PRSS22: variants seen among roughly 807,000 people sequenced by gnomAD.
The protein encoded by PRSS22 is brain-specific serine protease 4.
In PRSS22, 26 loss-of-function variants were observed where a neutral mutation model predicts 28.0. The ratio of observed to expected loss-of-function variants is 0.93; its 90% CI spans 0.68 to 1.29. The LOEUF (loss-of-function observed/expected upper bound fraction) is 1.29, where lower values mean the gene tolerates loss of function less well. Among genes scored for constraint, PRSS22 ranks in the 50% most tolerant of loss-of-function variants. The pLI, the probability that PRSS22 is intolerant of heterozygous loss-of-function variation, is 0.00. For synonymous variants in PRSS22, 217 were observed against 177.9 expected (o/e 1.22, Z -1.75); for missense variants, 444 against 422.1 (o/e 1.05, Z -0.46).
chr16:2,856,287 C>T, intron 2 of PRSS22, 34 bp from the exon 3 acceptor site: 3 of 1,608,708 alleles, frequency 1.9e-6, no homozygotes, highest in African/African-American at 1.3e-5. Flanking sequence ...TTATCTCCAA[C>T]TTCCTACAAC....
Position 2,856,129 on chromosome 16 carries a change from A to G in PRSS22, c.234T>C (p.Ser78=). 1 of 1,613,984 alleles carries G rather than the reference A, an allele frequency of 6.2e-7. No individual in the cohort carries two copies. The highest frequency in any genetic ancestry group is 1.1e-5 in the South Asian group (1 of 91,082). Residue 78 remains serine, a synonymous_variant, in exon 3 of 6, where the codon TCT becomes TCC. Coordinates refer to ENST00000161006, the MANE Select transcript of PRSS22 (RefSeq NM_022119.4). ...QKNGTHHCAG[S]LLTSRWVITA... is the part of the protein sequence containing the mutation. The stretch of plus-strand genomic sequence containing the variant: ...TGATCACCCAGCGGCTGGTGAGCAG[A>G]GAACCTGCGCAGTGGTGGGTCCCAT...
chr16:2,857,926 T>TGAGAGAGGCAAGGCCAGGAGG (rs1294687509), intron 1 of PRSS22, 97 bp downstream of exon 1: 20 of 879,304 alleles, frequency 2.3e-5, no homozygotes, highest in Non-Finnish European at 4.5e-6. Context: ...GGAAAGGAGA[T>TGAGAGAGGCAAGGCCAGGAGG]GAGAGAGGCA....
chr16:2,856,337 C>T (rs2150828877), intron 2 of PRSS22, 84 bp from the exon 3 acceptor site: 3 of 1,430,038 alleles, frequency 2.1e-6, no homozygotes, highest in African/African-American at 1.4e-5. Flanking sequence ...GCACCCCAAG[C>T]TTTGCCCACA....
Position 2,852,996 on chromosome 16 carries a change from A to G in PRSS22, c.*97T>C. On this transcript the variant is annotated 3_prime_UTR_variant, in exon 6 of 6. Coordinates refer to ENST00000161006, the MANE Select transcript of PRSS22 (RefSeq NM_022119.4). ...CCCAGAGGTAGAGGTAGATGAGCCT[A>G]TTTACGGCGGGGGAAACCGCCCGAG... The G allele has an allele frequency of 2.5e-6, 2 of 812,660 alleles. No individual in the cohort carries two copies. Among genetic ancestry groups the G allele is most frequent in the South Asian group, 1.8e-5 (1 of 54,260 alleles). The allele number at this position is 812,660 out of a possible 1,614,324, so 50.3% of individuals were successfully genotyped here. A position where few individuals can be genotyped will look rare whatever the true frequency, so the allele number is the denominator to read the frequency against.
Position 2,853,036 on chromosome 16 carries a change from A to G in PRSS22, c.*57T>C. Reference sequence around the variant, plus strand: ...AACCGCCCGAGGCCGCCGCAGATCCAGATCCAGATGTGGATCTGGCCGCCT... The same window carrying G: ...AACCGCCCGAGGCCGCCGCAGATCCGGATCCAGATGTGGATCTGGCCGCCT... On this transcript the variant is annotated 3_prime_UTR_variant, in exon 6 of 6. Coordinates refer to ENST00000161006, the MANE Select transcript of PRSS22 (RefSeq NM_022119.4). This position sits in a 1 kb window ranked among gnomAD's most constrained non-coding sequence, Gnocchi z 4.6. 8.3e-7 allele frequency: 1 copy of G among 1,206,602 alleles called. No individual in the cohort carries two copies. 74.7% of individuals were successfully genotyped at this position (1,206,602 alleles called of 1,614,324 possible). A position where few individuals can be genotyped will look rare whatever the true frequency, so the allele number is the denominator to read the frequency against.
chr16:2,855,213 T>C (rs2069442764), intron 4 of PRSS22, among the ~76,000 whole-genome samples: 1 of 151,496 alleles, frequency 6.6e-6, no homozygotes, highest in African/African-American at 2.4e-5. Flanking sequence ...CCAGGTGTGG[T>C]AGCACACACC....
Position 2,857,353 on chromosome 16 carries a change from GGGGGTCCCAGCGCCCAGTGAGGA to G in PRSS22, c.83-528_83-506del, listed in dbSNP as rs1199250541. 8.2e-5 allele frequency among the ~76,000 whole-genome samples: 12 copies of G among 145,868 alleles called. No homozygotes were observed. In the South Asian group the frequency reaches 1.6e-3, roughly 20 times the overall value. Reference sequence around the variant, plus strand: ...AGGGGGTCCCAGCGCTCAGTGAGGAGGGGGTCCCAGCGCCCAGTGAGGAGGGGTCCCAGCGCCCAGTGAGCAGG... The same window carrying G: ...AGGGGGTCCCAGCGCTCAGTGAGGAGGGGGTCCCAGCGCCCAGTGAGCAGG... On this transcript the variant is annotated intron_variant, in intron 1 of 5. Transcript: ENST00000161006.
chr16:2,856,357 C>T, intron 2 of PRSS22, 104 bp from the exon 3 acceptor site: 2 of 1,171,858 alleles, frequency 1.7e-6, no homozygotes, highest in South Asian at 2.8e-5. Context: ...AGCCCAAGCT[C>T]CGTTCATGTC....
chr16:2,857,236 T>TCCCCAGTGCCCAGTGAGGAGGGG (rs1567291558), intron 1 of PRSS22: 1 of 95,960 alleles, frequency 1.0e-5, no homozygotes, highest in African/African-American at 7.2e-5. Flanking sequence ...GTGAGGAGGG[T>TCCCCAGTGCCCAGTGAGGAGGGG]TCCCCAGCGC....
intron 1 of PRSS22, chr16:2,857,084 C>T (rs1442660631): frequency 5.0e-6 from 3 of 594,772 alleles, no homozygotes; most frequent in Non-Finnish European, 8.9e-6. Flanking sequence ...GGTCCCAGTA[C>T]CCAGTGAGGA....
rs12786 is a variant in PRSS22, at chr16:2,852,831, C to G, written c.*262G>C. 0.27 allele frequency: 113,285 copies of G among 421,962 alleles called. 13,590 individuals carry two copies. The highest frequency in any genetic ancestry group is 0.46 in the Admixed American group (9,051 of 19,714). 26.1% of individuals were successfully genotyped at this position (421,962 alleles called of 1,614,324 possible). On this transcript the variant is annotated 3_prime_UTR_variant, in exon 6 of 6. Coordinates refer to ENST00000161006, the MANE Select transcript of PRSS22 (RefSeq NM_022119.4). ...ATTAACATTTATATACACAAAAGCG[C>G]TGGGGCCCGGGGCGGGGCCGGAAGT...
chr16:2,853,808 C>T lies in PRSS22; in HGVS notation c.717+57G>A, dbSNP rs956169584. ...TGGGGCTCAGTGGGGACAGGACTGA[C>T]GCTGGCTCCTTCCCGAGGCCCTCCT... On this transcript the variant is annotated intron_variant, in intron 5 of 5. Transcript: ENST00000161006. This position sits in a 1 kb window ranked among gnomAD's most constrained non-coding sequence, Gnocchi z 4.6. 12 of 1,593,092 alleles carry T rather than the reference C, an allele frequency of 7.5e-6. No homozygotes were observed. Among genetic ancestry groups the T allele is most frequent in the East Asian group, 2.2e-5 (1 of 44,740 alleles).
At chr16:2,854,731 T>A (rs1005620909) in intron 4 of PRSS22, among the ~76,000 whole-genome samples, 34 of 152,224 alleles carry the variant, frequency 2.2e-4, no homozygotes, top group African/African-American at 8.2e-4. Context: ...ATCTGTCATC[T>A]ACCTTTCTCT....
Position 2,853,027 on chromosome 16 carries a change from C to T in PRSS22, c.*66G>A. On this transcript the variant is annotated 3_prime_UTR_variant, in exon 6 of 6. Transcript: ENST00000161006. This position sits in a 1 kb window ranked among gnomAD's most constrained non-coding sequence, Gnocchi z 4.6. ...GGCGGGGGAAACCGCCCGAGGCCGC[C>T]GCAGATCCAGATCCAGATGTGGATC... 2.7e-6 allele frequency: 3 copies of T among 1,126,902 alleles called. No individual in the cohort carries two copies. The highest frequency in any genetic ancestry group is 3.7e-6 in the Non-Finnish European group (3 of 818,234). 69.8% of individuals were successfully genotyped at this position (1,126,902 alleles called of 1,614,324 possible).
Position 2,853,355 on chromosome 16 carries a change from AC to A in PRSS22, c.718-27del, listed in dbSNP as rs1448217511. 4 of 1,568,610 alleles carry A rather than the reference AC, an allele frequency of 2.6e-6. No homozygotes were observed. The highest frequency in any genetic ancestry group is 4.5e-5 in the East Asian group (2 of 44,140). On this transcript the variant is annotated intron_variant, in intron 5 of 5. Coordinates refer to ENST00000161006, the MANE Select transcript of PRSS22 (RefSeq NM_022119.4). The surrounding 1 kb of genome is among the most constrained non-coding windows in gnomAD (Gnocchi z 4.6). ...CTGCAGAGAGGAGGCGAGGTTAGGA[AC>A]CCCCGTGGCACAGGGGGTGGCAGAA... is the stretch of plus-strand genomic sequence containing the variant.
rs33950878 is a variant in PRSS22, at chr16:2,855,347, C to CAAAAAAA, written c.559+220_559+226dup. Among the ~76,000 whole-genome samples, 65 of 69,020 alleles carry CAAAAAAA rather than the reference C, an allele frequency of 9.4e-4. 5 individuals carry two copies. The highest frequency in any genetic ancestry group is 3.7e-3 in the African/African-American group (59 of 15,834). 45.3% of individuals were successfully genotyped at this position (69,020 alleles called of 152,430 possible). A position where few individuals can be genotyped will look rare whatever the true frequency, so the allele number is the denominator to read the frequency against. ...TGGGTGACAGAGTAACACCCTGTCT[C>CAAAAAAA]AAAAAAAAAAAAAAAAAAAAGAAGA... is the stretch of plus-strand genomic sequence containing the variant. On this transcript the variant is annotated intron_variant, in intron 4 of 5. Coordinates refer to ENST00000161006, the MANE Select transcript of PRSS22 (RefSeq NM_022119.4).
At chr16:2,857,562 A>C in intron 1 of PRSS22, 1 of 164,898 alleles carries the variant, frequency 6.1e-6, no homozygotes, top group Non-Finnish European at 1.3e-5. Context: ...CACAGCTGTG[A>C]CCCTGCCCTC....
chr16:2,857,830 GC>G, intron 1 of PRSS22, 192 bp downstream of exon 1: 1 of 416,878 alleles, frequency 2.4e-6, no homozygotes, highest in Non-Finnish European at 4.1e-6. Context: ...CTGCGTACTT[GC>G]TGCGTTTTCT....
At chr16:2,856,910 G>T (rs946821644) in intron 1 of PRSS22, 62 bp from the exon 2 acceptor site, 41 of 1,529,244 alleles carry the variant, frequency 2.7e-5, no homozygotes, top group Admixed American at 1.8e-4. Context: ...GTGGTGAGGG[G>T]CCCTCAACGC....
Sources: gnomAD v4.1 joint callset for allele counts (sites outside exome capture counted in the v4.1 genomes callset) on GRCh38, gnomAD v4.1.1 for gene constraint, Gnocchi (gnomAD v3.1) non-coding constraint, MANE v1.5 for transcripts, NCBI Gene and HGNC (gene_info 2026-07-23, HGNC 2026-07-21) for gene names.